The following CLN8 variants were observed in gnomAD, a reference collection of about 807,000 sequenced individuals.
The protein encoded by CLN8 is protein CLN8.
A neutral mutation model predicts 15.7 loss-of-function variants in CLN8; 14 were observed. The observed-to-expected ratio is 0.89, with a 90% CI of 0.59 to 1.39. The LOEUF (loss-of-function observed/expected upper bound fraction) is 1.39, where lower values mean the gene tolerates loss of function less well. Ranked by LOEUF, CLN8 falls within the 40% of genes most tolerant of loss-of-function variation. CLN8 has a pLI of 0.00. For synonymous variants in CLN8, 188 were observed against 151.0 expected, an observed-to-expected ratio of 1.25 and a Z score of -1.80; for missense variants, 415 against 364.0, an observed-to-expected ratio of 1.14 and a Z score of -1.14.
At chr8:1,753,536 A>T (rs1800599599), upstream of CLN8, among the ~76,000 whole-genome samples, 1 of 139,824 alleles carries the variant, frequency 7.2e-6, no homozygotes, top group Admixed American at 7.8e-5. Context: ...ACGCCATTGC[A>T]CTCCAGCCTG....
At chr8:1,770,168 C>A (rs1801241850) in intron 1 of CLN8, among the ~76,000 whole-genome samples, 1 of 152,164 alleles carries the variant, frequency 6.6e-6, no homozygotes. Flanking sequence ...CTCCCCTACT[C>A]TGGGAGGGCA....
At chr8:1,753,569 CAAAAAAAA>C (rs71190758), upstream of CLN8, among the ~76,000 whole-genome samples, 1 of 102,622 alleles carries the variant, frequency 9.7e-6, no homozygotes, top group African/African-American at 3.8e-5. Flanking sequence ...GAAACTGTTT[CAAAAAAAA>C]AAAAAAAAGA....
chr8:1,773,186 A>C (rs113067642), intron 2 of CLN8, among the ~76,000 whole-genome samples: 1 of 152,084 alleles, frequency 6.6e-6, no homozygotes, highest in African/African-American at 2.4e-5. Context: ...CAGTGACAGG[A>C]AAGTGCAGAG....
intron 1 of CLN8, among the ~76,000 whole-genome samples, chr8:1,756,309 C>T (rs1800668210): frequency 1.3e-5 from 2 of 151,918 alleles, no homozygotes; most frequent in Admixed American, 1.3e-4. Context: ...TAGTAAAACC[C>T]CGTCTGTACT....
At chr8:1,766,733 C>A (rs1169133965) in intron 1 of CLN8, among the ~76,000 whole-genome samples, 1 of 152,224 alleles carries the variant, frequency 6.6e-6, no homozygotes. Flanking sequence ...CAGTGACTTC[C>A]AGCTGTGCAT....
chr8:1,766,084 A>T (rs1449419605), intron 1 of CLN8, among the ~76,000 whole-genome samples: 1 of 152,244 alleles, frequency 6.6e-6, no homozygotes, highest in African/African-American at 2.4e-5. Flanking sequence ...GTTCCTGGTC[A>T]CACTGCAGCA....
At chr8:1,778,538 T>C (rs191096500) in intron 2 of CLN8, among the ~76,000 whole-genome samples, 198 of 152,332 alleles carry the variant, frequency 1.3e-3, no homozygotes, top group Middle Eastern at 6.8e-3. Context: ...CGGTGAAGCA[T>C]GTGGTCCTGG....
At chr8:1,758,683 A>G (rs999425431) in intron 1 of CLN8, 2 of 152,212 alleles carry the variant, frequency 1.3e-5, no homozygotes, top group African/African-American at 4.8e-5. Flanking sequence ...AACTCCATGG[A>G]TGCAGGTGGA....
intron 2 of CLN8, among the ~76,000 whole-genome samples, chr8:1,772,099 C>G (rs1801333986): frequency 6.6e-6 from 1 of 151,990 alleles, no homozygotes; most frequent in South Asian, 2.1e-4. Flanking sequence ...CCACACCTGG[C>G]TACCTTTTTT....
intron 1 of CLN8, among the ~76,000 whole-genome samples, chr8:1,757,373 A>G (rs563797046): frequency 2.6e-4 from 40 of 152,332 alleles, no homozygotes; most frequent in African/African-American, 2.4e-4. Flanking sequence ...ACAGTGTGCT[A>G]TGGTGGCCCC....
At chr8:1,779,302 G>A (rs994179635) in intron 2 of CLN8, among the ~76,000 whole-genome samples, 1 of 152,132 alleles carries the variant, frequency 6.6e-6, no homozygotes, top group African/African-American at 2.4e-5. Flanking sequence ...GATTGCAGTG[G>A]CACGATCTCA....
upstream of CLN8, among the ~76,000 whole-genome samples, chr8:1,753,896 AAAG>A (rs1296235137): frequency 1.3e-5 from 2 of 152,108 alleles, no homozygotes; most frequent in Admixed American, 6.5e-5. Flanking sequence ...CAAAAAAAAA[AAAG>A]AAAAGAAAAT....
At position 1,770,993 on chromosome 8, in the gene CLN8, G is replaced by A; in HGVS notation, c.-62G>A. ...GCACTGACTTCATTTCCTTAGACAAGACACAGTGTAGGGCCCGGCCCGTGT... is the reference window on the plus strand; with the variant it reads ...GCACTGACTTCATTTCCTTAGACAAAACACAGTGTAGGGCCCGGCCCGTGT... On this transcript the variant is annotated 5_prime_UTR_variant, in exon 2 of 3. Transcript: ENST00000331222. The A allele has an allele frequency of 6.6e-7, 1 of 1,515,982 alleles. No homozygotes were observed. The highest frequency in any genetic ancestry group is 1.4e-5 in the African/African-American group (1 of 73,148). The allele number at this position is 1,515,982 out of a possible 1,614,324, so 93.9% of individuals were successfully genotyped here. A position where few individuals can be genotyped will look rare whatever the true frequency, so the allele number is the denominator to read the frequency against.
At position 1,763,829 on chromosome 8, in the gene CLN8, G is replaced by C. The variant is rs1209781302; in HGVS notation, c.-180G>C. 6.6e-6 allele frequency: 1 copy of C among 151,554 alleles called. No individual in the cohort carries two copies. The highest frequency in any genetic ancestry group is 2.4e-5 in the African/African-American group (1 of 41,168). 9.4% of individuals were successfully genotyped at this position (151,554 alleles called of 1,614,324 possible). On this transcript the variant is annotated 5_prime_UTR_variant, in exon 1 of 3. Coordinates refer to ENST00000331222, the MANE Select transcript of CLN8 (RefSeq NM_018941.4). ...GCAATGAGGTCAGTGACTGCCGGGA[G>C]TCCTGCAGGGGCGGGGCGGCGCCAA...
chr8:1,767,949 C>CT (rs56109121), intron 1 of CLN8, among the ~76,000 whole-genome samples: 10,490 of 144,676 alleles, frequency 0.073, 452 homozygotes, highest in Non-Finnish European at 0.1. Flanking sequence ...TTCTTTCTTT[C>CT]TTTTTTTTTT....
chr8:1,766,508 G>A (rs1801063548), intron 1 of CLN8, among the ~76,000 whole-genome samples: 1 of 150,790 alleles, frequency 6.6e-6, no homozygotes. Context: ...TCCTGCCTCA[G>A]CCTCCCGAGT....
intron 1 of CLN8, among the ~76,000 whole-genome samples, chr8:1,766,668 G>A (rs1182235817): frequency 6.6e-6 from 1 of 152,124 alleles, no homozygotes; most frequent in African/African-American, 2.4e-5. Flanking sequence ...TGGGATTACA[G>A]GTGTGAGCCA....
upstream of CLN8, chr8:1,761,952 G>C (rs751549059): frequency 6.6e-6 from 1 of 152,320 alleles, no homozygotes; most frequent in South Asian, 2.1e-4. Flanking sequence ...TTCTAATCTT[G>C]TGGCTAATTT....
chr8:1,761,635 G>C (rs943500574), upstream of CLN8, among the ~76,000 whole-genome samples: 2 of 152,150 alleles, frequency 1.3e-5, no homozygotes, highest in African/African-American at 2.4e-5. Flanking sequence ...CTGGAGTTCA[G>C]AGTTTTTAAG....
Sources: allele counts gnomAD v4.1 joint callset (sites outside exome capture counted in the v4.1 genomes callset), GRCh38; gene constraint gnomAD v4.1.1; transcripts MANE v1.5; gene names NCBI Gene and HGNC (gene_info 2026-07-23, HGNC 2026-07-21).